Variants in NAA11 observed in about 807,000 individuals in gnomAD.
NAA11 encodes the protein N-alpha-acetyltransferase 11, NatA catalytic subunit.
A neutral mutation model predicts 16.1 loss-of-function variants in NAA11; 15 were observed. The ratio of observed to expected loss-of-function variants is 0.93; its 90% CI spans 0.62 to 1.44. NAA11 has a LOEUF of 1.44. Among genes scored for constraint, NAA11 ranks in the 40% most tolerant of loss-of-function variants. The pLI is 0.00. For synonymous variants in NAA11, 122 were observed against 112.4 expected (o/e 1.09, Z -0.54); for missense variants, 298 against 291.3 (o/e 1.02, Z -0.17).
At chr4:79,193,712 CT>C in the NAA11 span, among the ~76,000 whole-genome samples, 42 of 152,112 alleles carry the variant, frequency 2.8e-4, no homozygotes, top group Non-Finnish European at 4.1e-4. Flanking sequence ...AATGCGGGCT[CT>C]TTTTTGGTTG....
chr4:79,296,529 C>T (rs1485676066), intron 1 of NAA11, among the ~76,000 whole-genome samples: 1 of 152,196 alleles, frequency 6.6e-6, no homozygotes, highest in African/African-American at 2.4e-5. Context: ...CAGATTCACA[C>T]CTTGGCCTTC....
chr4:79,224,439 G>A (rs548715045), downstream of NAA11, among the ~76,000 whole-genome samples: 5 of 152,214 alleles, frequency 3.3e-5, no homozygotes, highest in African/African-American at 1.2e-4. Context: ...GTAATTACGT[G>A]ATGATTGAAC....
chr4:79,280,259 T>TGGAAA (rs1560445140), intron 2 of NAA11, among the ~76,000 whole-genome samples: 7 of 151,790 alleles, frequency 4.6e-5, no homozygotes. Context: ...TGCCTCTTTT[T>TGGAAA]GAGGCACAGT....
chr4:79,260,581 T>C (rs1467877947), intron 2 of NAA11, among the ~76,000 whole-genome samples: 1 of 152,214 alleles, frequency 6.6e-6, no homozygotes, highest in East Asian at 1.9e-4. Context: ...ATGTGCAGGA[T>C]TGTAGCCAGC....
intron 1 of NAA11, among the ~76,000 whole-genome samples, chr4:79,301,677 G>A (rs566978956): frequency 3.3e-5 from 5 of 152,160 alleles, no homozygotes; most frequent in Admixed American, 6.5e-5. Context: ...CCATGGAAAA[G>A]CAGAAGAGCT....
chr4:79,182,103 A>G, the NAA11 span, among the ~76,000 whole-genome samples: 1 of 152,190 alleles, frequency 6.6e-6, no homozygotes. Flanking sequence ...TAGGGCAGGG[A>G]ATGTCTTATG....
At chr4:79,170,954 A>G in the NAA11 span, among the ~76,000 whole-genome samples, 1 of 152,228 alleles carries the variant, frequency 6.6e-6, no homozygotes, top group East Asian at 1.9e-4. Flanking sequence ...TATAGCATTC[A>G]CTAAAATCCA....
intron 2 of NAA11, among the ~76,000 whole-genome samples, chr4:79,238,292 A>G (rs1455548887): frequency 2.0e-5 from 3 of 152,210 alleles, no homozygotes; most frequent in Non-Finnish European, 4.4e-5. Flanking sequence ...ATGATAATCC[A>G]TGTGATTTAA....
chr4:79,267,506 G>A (rs1307135725), intron 2 of NAA11, among the ~76,000 whole-genome samples: 1 of 152,150 alleles, frequency 6.6e-6, no homozygotes, highest in East Asian at 1.9e-4. Context: ...CTAGTTTTAA[G>A]CATATACTTG....
the NAA11 span, among the ~76,000 whole-genome samples, chr4:79,156,325 G>GTT: frequency 2.5e-5 from 1 of 39,802 alleles, no homozygotes; most frequent in South Asian, 1.3e-3. Flanking sequence ...GTGTGTGTGT[G>GTT]TGTGTATATA....
intron 2 of NAA11, among the ~76,000 whole-genome samples, chr4:79,268,795 C>G (rs371962160): frequency 6.6e-6 from 1 of 151,280 alleles, no homozygotes; most frequent in Non-Finnish European, 1.5e-5. Context: ...TGGTGCGCTG[C>G]ACCCACTAAC....
chr4:79,204,072 A>G, the NAA11 span, among the ~76,000 whole-genome samples: 1 of 151,854 alleles, frequency 6.6e-6, no homozygotes, highest in Non-Finnish European at 1.5e-5. Flanking sequence ...AAATTGATAT[A>G]ACTTTTCTGA....
the NAA11 span, among the ~76,000 whole-genome samples, chr4:79,217,274 G>C: frequency 6.6e-6 from 1 of 152,162 alleles, no homozygotes; most frequent in African/African-American, 2.4e-5. Flanking sequence ...TGGCCTCCTA[G>C]GCTCATTTGG....
chr4:79,184,782 C>T, the NAA11 span, among the ~76,000 whole-genome samples: 1 of 151,954 alleles, frequency 6.6e-6, no homozygotes, highest in Admixed American at 6.6e-5. Flanking sequence ...TGTGTATTTC[C>T]GGAAGATAAA....
the NAA11 span, among the ~76,000 whole-genome samples, chr4:79,178,526 T>C: frequency 6.6e-6 from 1 of 152,230 alleles, no homozygotes; most frequent in African/African-American, 2.4e-5. Context: ...AAAGAGCTTC[T>C]ATTCATCCAG....
chr4:79,247,110 C>A (rs943012408), intron 2 of NAA11, among the ~76,000 whole-genome samples: 1 of 152,074 alleles, frequency 6.6e-6, no homozygotes, highest in African/African-American at 2.4e-5. Context: ...TTCAGAGGTG[C>A]ATATGGCTTA....
At chr4:79,252,485 C>A (rs1341690893) in intron 2 of NAA11, among the ~76,000 whole-genome samples, 1 of 150,854 alleles carries the variant, frequency 6.6e-6, no homozygotes. Flanking sequence ...AGATAATAAA[C>A]AATAAAATAA....
chr4:79,243,540 T>G (rs941392285), intron 2 of NAA11, among the ~76,000 whole-genome samples: 10 of 151,808 alleles, frequency 6.6e-5, no homozygotes, highest in African/African-American at 2.2e-4. Context: ...CTCTTTTGTG[T>G]CTTAATCACC....
chr4:79,268,486 T>C (rs189395860), intron 2 of NAA11, among the ~76,000 whole-genome samples: 97 of 152,258 alleles, frequency 6.4e-4, no homozygotes, highest in Admixed American at 4.4e-3. Context: ...AGTTCTTTAC[T>C]GTACTCAGAT....
Sources: gnomAD v4.1 joint callset for allele counts (sites outside exome capture counted in the v4.1 genomes callset) on GRCh38, gnomAD v4.1.1 for gene constraint, MANE v1.5 for transcripts, NCBI Gene and HGNC (gene_info 2026-07-23, HGNC 2026-07-21) for gene names.